AKAP4: variants seen among roughly 807,000 people sequenced by gnomAD.
AKAP4 encodes the protein A-kinase anchor protein 4.
A neutral mutation model predicts 42.6 loss-of-function variants in AKAP4; 4 were observed. The ratio of observed to expected loss-of-function variants is 0.09; its 90% CI spans 0.05 to 0.22. The LOEUF (loss-of-function observed/expected upper bound fraction) is 0.22. AKAP4 is among the 10% of genes least tolerant of loss of function. The pLI is 1.00. For synonymous variants in AKAP4, 223 were observed against 233.0 expected (o/e 0.96, Z 0.39); for missense variants, 551 against 630.7 (o/e 0.87, Z 1.35).
Position 50,192,674 on chromosome X carries a change from T to C in AKAP4, c.2039A>G (p.His680Arg), listed in dbSNP as rs143297000. 1 of 1,210,263 alleles carries C rather than the reference T, an allele frequency of 8.3e-7. No individual in the cohort carries two copies. The highest frequency in any genetic ancestry group is 1.7e-5 in the African/African-American group (1 of 57,301). The change falls in exon 5 of 6, where the codon CAT (histidine) becomes CGT (arginine). Residue 680 changes from histidine (H) to arginine (R), a missense_variant. By Grantham distance (29) the His-to-Arg change is conservative (BLOSUM62 0). Transcript: ENST00000358526. Reference sequence around the variant, plus strand: ...CCCACTGGTACAGTCAAGTTCTTGATGCTCCTGGCATTGTTCTTCCGCTTT... The same window carrying C: ...CCCACTGGTACAGTCAAGTTCTTGACGCTCCTGGCATTGTTCTTCCGCTTT... Reference protein sequence around the residue: ...SDKAEEQCQEHQELDCTSGMK... With the variant: ...SDKAEEQCQERQELDCTSGMK...
intron 4 of AKAP4, 48 bp from the exon 5 acceptor site, chrX:50,194,484 T>G: frequency 1.0e-6 from 1 of 999,851 alleles, no homozygotes; most frequent in Non-Finnish European, 1.3e-6. Context: ...TAGGCTACTT[T>G]TTTCCCTTAT....
chrX:50,198,741 A>T lies in AKAP4; in HGVS notation c.39T>A (p.Asp13Glu). The stretch of plus-strand genomic sequence containing the variant: ...CCCTGTGGCTGCGTAACCAGTCAAT[A>T]TCATCAGACATCTGGAAAGAGAAAG... The part of the protein sequence containing the change: ...AYSDTTMMSD[D>E]IDWLRSHRGV... The change falls in exon 2 of 6, where the codon GAT becomes GAA. Residue 13 changes from aspartate to glutamate, a missense_variant. Asp to Glu is a conservative substitution (Grantham distance 45). Coordinates refer to ENST00000358526, the MANE Select transcript of AKAP4 (RefSeq NM_003886.3). The T allele has an allele frequency of 8.3e-7, 1 of 1,200,048 alleles. No individual in the cohort carries two copies.
At position 50,192,896 on chromosome X, in the gene AKAP4, G is replaced by T; in HGVS notation, c.1817C>A (p.Ala606Asp). 1 of 1,211,734 alleles carries T rather than the reference G, an allele frequency of 8.3e-7. No individual in the cohort carries two copies. Among genetic ancestry groups the T allele is most frequent in the Non-Finnish European group, 1.1e-6 (1 of 895,395 alleles). The change falls in exon 5 of 6, where the codon GCC becomes GAC. Residue 606 changes from alanine (A) to aspartate (D), a missense_variant. Ala to Asp is a moderately radical substitution (Grantham distance 126, BLOSUM62 -2). Transcript: ENST00000358526. ...CTTTTGACAGGTGGATGGTCCAGGG[G>T]CTCTGTGAGATTCTAGTTGTTTCAC... ...LSVKQLESHRAPGPSTCQKEN... is the reference protein window; with the variant it reads ...LSVKQLESHRDPGPSTCQKEN...
At chrX:50,191,694 G>A (rs1413428555) in intron 5 of AKAP4, among the ~76,000 whole-genome samples, 1 of 80,562 alleles carries the variant, frequency 1.2e-5, no homozygotes, top group African/African-American at 4.3e-5. Context: ...GAGACAGAGA[G>A]AGAATGTGCA....
chrX:50,193,292 A>G lies in AKAP4; in HGVS notation c.1421T>C (p.Met474Thr). 1 of 1,210,911 alleles carries G rather than the reference A, an allele frequency of 8.3e-7. No individual in the cohort carries two copies. Among genetic ancestry groups the G allele is most frequent in the Non-Finnish European group, 1.1e-6 (1 of 895,372 alleles). The change falls in exon 5 of 6, where the codon ATG (methionine) becomes ACG (threonine). Residue 474 changes from methionine to threonine, a missense_variant. By Grantham distance (81) the Met-to-Thr change is moderately conservative (BLOSUM62 -1). Transcript: ENST00000358526. ...CATTTTGCCTTTGTCCCTCTCTTTC[A>G]TTTCAGCTTTCATGGTGGAGAATTC... ...SLEFSTMKAE[M>T]KERDKGKMKS...
At position 50,197,460 on chromosome X, in the gene AKAP4, C is replaced by G. The variant is rs887488889; in HGVS notation, c.174+84G>C. 9 of 913,894 alleles carry G rather than the reference C, an allele frequency of 9.8e-6. No homozygotes were observed. The Middle Eastern group carries it at 2.2e-3, about 219-fold the overall frequency. 75.3% of individuals were successfully genotyped at this position (913,894 alleles called of 1,213,427 possible). On this transcript the variant is annotated intron_variant, in intron 3 of 5. Coordinates refer to ENST00000358526, the MANE Select transcript of AKAP4 (RefSeq NM_003886.3). ...CCTCCTCCTTTCCCCTCTCTCCCCC[C>G]AACATTTTCCATTCTTCATACTTCA...
At chrX:50,198,809 G>C in intron 1 of AKAP4, 57 bp from the exon 2 acceptor site, 1 of 940,593 alleles carries the variant, frequency 1.1e-6, no homozygotes, top group Non-Finnish European at 1.5e-6. Flanking sequence ...TGGAAACCGG[G>C]TCAATTTGGA....
intron 2 of AKAP4, 135 bp downstream of exon 2, chrX:50,198,522 T>C (rs1253440590): frequency 6.7e-6 from 3 of 445,487 alleles, no homozygotes; most frequent in Admixed American, 6.7e-5. Context: ...TGCTGGCCCC[T>C]GACAGACCTT....
chrX:50,191,217 T>G, intron 5 of AKAP4, 102 bp from the exon 6 acceptor site: 3 of 919,935 alleles, frequency 3.3e-6, no homozygotes, highest in Non-Finnish European at 4.5e-6. Context: ...CCTAACCTCC[T>G]CACCCACACC....
chrX:50,194,835 C>T (rs1297533406), intron 4 of AKAP4, among the ~76,000 whole-genome samples: 1 of 111,130 alleles, frequency 9.0e-6, no homozygotes, highest in African/African-American at 3.3e-5. Flanking sequence ...TGTGTGTGTG[C>T]ATATGTGTGA....
chrX:50,197,711 A>G (rs1935209962), intron 2 of AKAP4, 117 bp from the exon 3 acceptor site: 3 of 587,202 alleles, frequency 5.1e-6, no homozygotes, highest in Non-Finnish European at 7.9e-6. Context: ...ATTAACTGAG[A>G]TACTATATGG....
At position 50,193,465 on chromosome X, in the gene AKAP4, T is replaced by C; in HGVS notation, c.1248A>G (p.Lys416=). 8.3e-7 allele frequency: 1 copy of C among 1,211,964 alleles called. No individual in the cohort carries two copies. Among genetic ancestry groups the C allele is most frequent in the Non-Finnish European group, 1.1e-6 (1 of 895,630 alleles). Reference sequence around the variant, plus strand: ...CCTCCATGATGTCTGTAGCATTTTGTTTCCACTGGTTGAACAGATTTCTCT... The same window carrying C: ...CCTCCATGATGTCTGTAGCATTTTGCTTCCACTGGTTGAACAGATTTCTCT... ...AVKRNLFNQW[K]QNATDIMEAM... The change falls in exon 5 of 6, where the codon AAA becomes AAG. Residue 416 remains lysine (K), a synonymous_variant. Transcript: ENST00000358526.
rs1935125229 is a variant in AKAP4 at position 50,192,482 on chromosome X, C to A, written c.2231G>T (p.Ser744Ile). Reference sequence around the variant, plus strand: ...TTGATAGTTCTGTGGCATTGCACCACTGTGAATGCATCTGGTGCCCCTGAA... The same window carrying A: ...TTGATAGTTCTGTGGCATTGCACCAATGTGAATGCATCTGGTGCCCCTGAA... ...PNFRGTRCIHSGAMPQNYQDS... is the reference protein window; with the variant it reads ...PNFRGTRCIHIGAMPQNYQDS... Residue 744 changes from serine (S) to isoleucine (I), a missense_variant, in exon 5 of 6, where the codon AGT (serine) becomes ATT (isoleucine). Transcript: ENST00000358526. 8.3e-7 allele frequency: 1 copy of A among 1,209,157 alleles called. No individual in the cohort carries two copies. The highest frequency in any genetic ancestry group is 1.7e-5 in the African/African-American group (1 of 57,244).
Position 50,198,634 on chromosome X carries a change from G to T in AKAP4, c.123+23C>A, listed in dbSNP as rs782512137. ...ATATGCCAATTTTTCCTACTCCTCGGCATGAGTCATTTTTTATCTTACCAC... is the reference window on the plus strand; with the variant it reads ...ATATGCCAATTTTTCCTACTCCTCGTCATGAGTCATTTTTTATCTTACCAC... On this transcript the variant is annotated intron_variant, in intron 2 of 5. Coordinates refer to ENST00000358526, the MANE Select transcript of AKAP4 (RefSeq NM_003886.3). 48 of 1,166,770 alleles carry T rather than the reference G, an allele frequency of 4.1e-5. 2 individuals are homozygous for T. In the South Asian group the frequency reaches 8.7e-4, roughly 21 times the overall value.
chrX:50,196,094 C>G (rs1935188671), intron 4 of AKAP4, among the ~76,000 whole-genome samples: 1 of 112,155 alleles, frequency 8.9e-6, no homozygotes, highest in Non-Finnish European at 1.9e-5. Flanking sequence ...TTTCTTAAGA[C>G]TCCAAAATTG....
intron 1 of AKAP4, 35 bp downstream of exon 1, chrX:50,200,828 C>T: frequency 8.4e-7 from 1 of 1,189,757 alleles, no homozygotes; most frequent in South Asian, 1.8e-5. Flanking sequence ...TAAGATGCCC[C>T]CTTAGCTAGT....
At position 50,192,766 on chromosome X, in the gene AKAP4, G is replaced by C. The variant is rs782396822; in HGVS notation, c.1947C>G (p.Cys649Trp). 8.3e-7 allele frequency: 1 copy of C among 1,211,618 alleles called. No homozygotes were observed. Among genetic ancestry groups the C allele is most frequent in the Non-Finnish European group, 1.1e-6 (1 of 895,411 alleles). The part of the protein sequence containing the change: ...NENPFKCEDP[C>W]EGENKCSEPR... ...GCTCAGAACACTTGTTCTCACCTTC[G>C]CATGGATCCTCACATTTGAAGGGGT... The change falls in exon 5 of 6, where the codon TGC becomes TGG. Residue 649 changes from cysteine (C) to tryptophan (W), a missense_variant. Physicochemically the swap from Cys to Trp is radical, Grantham distance 215. Transcript: ENST00000358526.
intron 2 of AKAP4, 38 bp from the exon 3 acceptor site, chrX:50,197,632 A>G (rs180750051): frequency 8.8e-7 from 1 of 1,132,535 alleles, no homozygotes; most frequent in East Asian, 3.0e-5. Context: ...GAAAAACTCT[A>G]GAGAAAGGGG....
In AKAP4 at chrX:50,192,826, G is replaced by A. The variant is rs1161069834; in HGVS notation, c.1887C>T (p.Ile629=). The change falls in exon 5 of 6, where the codon ATC becomes ATT. Residue 629 remains isoleucine, a synonymous_variant. Coordinates refer to ENST00000358526, the MANE Select transcript of AKAP4 (RefSeq NM_003886.3). ...GCAGTTTCTGAATCAGCATTAGAACGATGTTTGACATATCCATTTTCTGGG... is the reference window on the plus strand; with the variant it reads ...GCAGTTTCTGAATCAGCATTAGAACAATGTTTGACATATCCATTTTCTGGG... ...LDSQKMDMSN[I]VLMLIQKLLN... The A allele has an allele frequency of 8.3e-6, 10 of 1,210,104 alleles. No homozygotes were observed. The highest frequency in any genetic ancestry group is 2.3e-4 in the Middle Eastern group (1 of 4,373).
Sources: allele counts gnomAD v4.1 joint callset (sites outside exome capture counted in the v4.1 genomes callset), GRCh38; gene constraint gnomAD v4.1.1; transcripts MANE v1.5; gene names NCBI Gene and HGNC (gene_info 2026-07-23, HGNC 2026-07-21).